Variants in PHKB observed in about 807,000 individuals in gnomAD.
PHKB encodes phosphorylase kinase regulatory subunit beta, also known as phosphorylase b kinase regulatory subunit beta.
In PHKB, 122 loss-of-function variants were observed where a neutral mutation model predicts 152.1. The observed-to-expected ratio is 0.80, with a 90% CI of 0.69 to 0.93. The LOEUF is 0.93. Among genes scored for constraint, PHKB ranks in the 40% least tolerant of loss-of-function variants. PHKB has a pLI of 0.00. For synonymous variants in PHKB, 436 were observed against 464.9 expected (o/e 0.94, Z 0.80); for missense variants, 1,304 against 1,328.4 (o/e 0.98, Z 0.29).
intron 1 of PHKB, among the ~76,000 whole-genome samples, chr16:47,466,205 A>G (rs1005860685): frequency 6.6e-6 from 1 of 152,238 alleles, no homozygotes; most frequent in Non-Finnish European, 1.5e-5. Flanking sequence ...TTAAACTAAA[A>G]GAGGGATCTA....
At chr16:47,468,661 A>AAAAT (rs749544800) in intron 1 of PHKB, among the ~76,000 whole-genome samples, 1 of 152,236 alleles carries the variant, frequency 6.6e-6, no homozygotes, top group African/African-American at 2.4e-5. Flanking sequence ...CTCACAAAAT[A>AAAAT]AAATAAATAA....
chr16:47,598,563 A>G lies in PHKB; in HGVS notation c.1363+2032A>G, dbSNP rs1972163997. The G allele has an allele frequency of 5.3e-6, 4 of 749,274 alleles. No homozygotes were observed. In the Admixed American group the frequency reaches 8.0e-5, roughly 15 times the overall value. 46.4% of individuals were successfully genotyped at this position (749,274 alleles called of 1,614,324 possible). On this transcript the variant is annotated intron_variant, in intron 13 of 30. Coordinates refer to ENST00000323584, the MANE Select transcript of PHKB (RefSeq NM_000293.3). ...ATTTTCTATATCACTTTTCTTGATT[A>G]TAAAATGTCAGTAATATGAACACGC... is the stretch of plus-strand genomic sequence containing the variant.
chr16:47,684,660 G>A (rs1162096416), intron 26 of PHKB, among the ~76,000 whole-genome samples: 34 of 152,202 alleles, frequency 2.2e-4, no homozygotes, highest in African/African-American at 7.9e-4. Flanking sequence ...CCAGCTACTC[G>A]GGAAGCTGAG....
intron 20 of PHKB, among the ~76,000 whole-genome samples, chr16:47,656,859 A>G (rs1436316621): frequency 6.6e-6 from 1 of 152,134 alleles, no homozygotes; most frequent in Non-Finnish European, 1.5e-5. Flanking sequence ...TACCCAGGAC[A>G]TCTCTCCTTG....
intron 14 of PHKB, among the ~76,000 whole-genome samples, chr16:47,614,006 G>A (rs900996467): frequency 3.9e-5 from 6 of 152,136 alleles, no homozygotes; most frequent in African/African-American, 1.4e-4. Context: ...AAAGAAAAGA[G>A]GTTTAATTGG....
intron 4 of PHKB, among the ~76,000 whole-genome samples, chr16:47,511,322 A>ACAAT (rs1445567562): frequency 1.3e-4 from 20 of 152,232 alleles, no homozygotes; most frequent in Admixed American, 6.5e-4. Flanking sequence ...TCAGTGGAAT[A>ACAAT]CAATCACTGA....
Position 47,700,921 on chromosome 16 carries a change from G to A in PHKB, c.*1555G>A, listed in dbSNP as rs1207161879. ...TCTCATAACATTGAGGTACAGTGCC[G>A]AGATCTTGCATAAGAAATTGTATGG... On this transcript the variant is annotated 3_prime_UTR_variant, in exon 31 of 31. Coordinates refer to ENST00000323584, the MANE Select transcript of PHKB (RefSeq NM_000293.3). The A allele has an allele frequency of 1.3e-5, 2 of 152,084 alleles. No homozygotes were observed. Among genetic ancestry groups the A allele is most frequent in the Admixed American group, 6.5e-5 (1 of 15,268 alleles). 9.4% of individuals were successfully genotyped at this position (152,084 alleles called of 1,614,324 possible).
chr16:47,664,035 T>G, intron 24 of PHKB: 1 of 376,020 alleles, frequency 2.7e-6, no homozygotes, highest in Non-Finnish European at 4.8e-6. Flanking sequence ...CTTTAAGTTC[T>G]GTTTTTTAAT....
intron 1 of PHKB, among the ~76,000 whole-genome samples, chr16:47,484,200 C>T (rs1429780099): frequency 6.6e-6 from 1 of 152,126 alleles, no homozygotes; most frequent in Admixed American, 6.5e-5. Flanking sequence ...CATGTTCTTT[C>T]TCTAAAGGTC....
chr16:47,612,069 G>A (rs746786224), intron 14 of PHKB, among the ~76,000 whole-genome samples: 5 of 152,144 alleles, frequency 3.3e-5, no homozygotes, highest in Non-Finnish European at 7.4e-5. Context: ...AGAATGTGTC[G>A]TGTCAACAAA....
chr16:47,679,498 T>C (rs1973805812), intron 26 of PHKB, among the ~76,000 whole-genome samples: 1 of 152,212 alleles, frequency 6.6e-6, no homozygotes, highest in African/African-American at 2.4e-5. Flanking sequence ...CCCTTGTAAG[T>C]TGAATTCCTA....
At chr16:47,504,396 G>A (rs1275633886) in intron 4 of PHKB, among the ~76,000 whole-genome samples, 1 of 152,196 alleles carries the variant, frequency 6.6e-6, no homozygotes, top group Non-Finnish European at 1.5e-5. Flanking sequence ...AAGGAAACCA[G>A]GTGTGTAGTA....
At chr16:47,485,166 TTGAA>T (rs1351092847) in intron 1 of PHKB, among the ~76,000 whole-genome samples, 2 of 152,232 alleles carry the variant, frequency 1.3e-5, no homozygotes, top group African/African-American at 4.8e-5. Context: ...ACATACTTCA[TTGAA>T]TGAAGGTGTC....
chr16:47,694,651 G>A (rs550492374), intron 28 of PHKB, among the ~76,000 whole-genome samples: 20 of 152,332 alleles, frequency 1.3e-4, no homozygotes, highest in African/African-American at 4.6e-4. Flanking sequence ...TCATTTGACT[G>A]TCAGTGCAGG....
At chr16:47,696,335 C>A in intron 28 of PHKB, 46 bp from the exon 29 acceptor site, 1 of 915,742 alleles carries the variant, frequency 1.1e-6, no homozygotes, top group Non-Finnish European at 1.8e-6. Context: ...AAATGAGAAC[C>A]AGAGCATAAC....
intron 10 of PHKB, among the ~76,000 whole-genome samples, chr16:47,589,336 G>A (rs1266942588): frequency 6.6e-6 from 1 of 152,172 alleles, no homozygotes; most frequent in Non-Finnish European, 1.5e-5. Context: ...TTAGAATAGT[G>A]CTTGGCACAT....
At chr16:47,598,962 C>T in intron 13 of PHKB, 1 of 1,367,126 alleles carries the variant, frequency 7.3e-7, no homozygotes, top group Non-Finnish European at 1.0e-6. Context: ...TGCACACAGC[C>T]AATCCCACAA....
At chr16:47,514,714 A>G (rs996586547) in intron 5 of PHKB, among the ~76,000 whole-genome samples, 2 of 152,164 alleles carry the variant, frequency 1.3e-5, no homozygotes, top group Non-Finnish European at 2.9e-5. Flanking sequence ...GACACCTAAA[A>G]TGAACCACAC....
At chr16:47,565,259 T>G in intron 7 of PHKB, 1 of 707,534 alleles carries the variant, frequency 1.4e-6, no homozygotes, top group Admixed American at 1.8e-5. Context: ...TCAGTGGTCT[T>G]TGTTCCCTCT....
Sources: gnomAD v4.1 joint callset for allele counts (sites outside exome capture counted in the v4.1 genomes callset) on GRCh38, gnomAD v4.1.1 for gene constraint, MANE v1.5 for transcripts, NCBI Gene and HGNC (gene_info 2026-07-23, HGNC 2026-07-21) for gene names.